Variants in PEX26 observed in about 807,000 individuals in gnomAD.
PEX26 encodes peroxisomal biogenesis factor 26, also known as peroxisome assembly protein 26.
A neutral mutation model predicts 31.4 loss-of-function variants in PEX26; 18 were observed. The ratio of observed to expected loss-of-function variants is 0.57; its 90% CI spans 0.40 to 0.85. The LOEUF (loss-of-function observed/expected upper bound fraction) is 0.85, where lower values mean the gene tolerates loss of function less well. PEX26 is among the 40% of genes least tolerant of loss of function. The probability of loss-of-function intolerance (pLI) is 0.00; values close to 1 mark genes in which losing one functional copy is unlikely to be tolerated. For synonymous variants in PEX26, 176 were observed against 166.9 expected (o/e 1.05, Z -0.42); for missense variants, 377 against 383.9 (o/e 0.98, Z 0.15).
chr22:18,078,317 G>C lies in PEX26; in HGVS notation c.-60G>C, dbSNP rs1156443420. 1 of 1,233,772 alleles carries C rather than the reference G, an allele frequency of 8.1e-7. No homozygotes were observed. The highest frequency in any genetic ancestry group is 1.9e-5 in the Admixed American group (1 of 53,518). The allele number at this position is 1,233,772 out of a possible 1,614,324, so 76.4% of individuals were successfully genotyped here. ...CCAGGCCAACTCGGGATATCCCGGA[G>C]CCTCTGGGGAGGCGGTCACTCCGAC... On this transcript the variant is annotated 5_prime_UTR_variant, in exon 1 of 5. Transcript: ENST00000399744.
intron 1 of PEX26, chr22:18,079,087 C>G: frequency 1.5e-5 from 5 of 337,500 alleles, no homozygotes; most frequent in Non-Finnish European, 1.7e-5. Flanking sequence ...GTAATCCCAG[C>G]ACTTTGGGAG....
chr22:18,101,764 C>A lies in PEX26; in HGVS notation c.*13689C>A. ...CTCATCCTGCATGTGGGCAAGTCAG[C>A]TCTCTGATGGATGGTGCAATTTCCT... On this transcript the variant is annotated 3_prime_UTR_variant, in exon 5 of 5. Coordinates refer to ENST00000399744, the MANE Select transcript of PEX26 (RefSeq NM_001127649.3). The A allele has an allele frequency of 4.4e-6, 1 of 225,468 alleles. No individual in the cohort carries two copies. The highest frequency in any genetic ancestry group is 8.5e-5 in the South Asian group (1 of 11,718). The allele number at this position is 225,468 out of a possible 1,614,324, so 14.0% of individuals were successfully genotyped here. A position where few individuals can be genotyped will look rare whatever the true frequency, so the allele number is the denominator to read the frequency against.
chr22:18,103,197 G>A lies in PEX26; in HGVS notation c.*15122G>A, dbSNP rs1927511057. On this transcript the variant is annotated 3_prime_UTR_variant, in exon 5 of 5. Coordinates refer to ENST00000399744, the MANE Select transcript of PEX26 (RefSeq NM_001127649.3). ...GCAGGGTGTGTATGTGGGATGAAGA[G>A]GTGGCTTGATGGACACAAACATAGA... 6.6e-6 allele frequency: 1 copy of A among 151,518 alleles called. No homozygotes were observed. Among genetic ancestry groups the A allele is most frequent in the Non-Finnish European group, 1.5e-5 (1 of 67,982 alleles). The allele number at this position is 151,518 out of a possible 1,614,324, so 9.4% of individuals were successfully genotyped here. A position where few individuals can be genotyped will look rare whatever the true frequency, so the allele number is the denominator to read the frequency against.
chr22:18,078,449 G>A lies in PEX26; in HGVS notation c.73G>A (p.Val25Met). The change falls in exon 1 of 5, where the codon GTG (valine) becomes ATG (methionine). Residue 25 changes from valine (V) to methionine (M), a missense_variant. Val to Met is a conservative substitution (Grantham distance 21). Coordinates refer to ENST00000399744, the MANE Select transcript of PEX26 (RefSeq NM_001127649.3). ...GGGACCCCTGCGCAGCAGCGAGCCG[G>A]TGCGCGCGGTCCCGGCCCGGGCGCC... The part of the protein sequence containing the change: ...LGGPLRSSEP[V>M]RAVPARAPAV... 1.9e-6 allele frequency: 3 copies of A among 1,578,938 alleles called. No homozygotes were observed. Among genetic ancestry groups the A allele is most frequent in the Non-Finnish European group, 2.6e-6 (3 of 1,165,442 alleles).
intron 2 of PEX26, chr22:18,081,523 G>T: frequency 6.5e-6 from 1 of 154,584 alleles, no homozygotes; most frequent in Non-Finnish European, 1.5e-5. Context: ...CACAGGACCT[G>T]GTAGGGCAGC....
Position 18,103,728 on chromosome 22 carries a change from A to G in PEX26, c.*15653A>G, listed in dbSNP as rs1319623473. The G allele has an allele frequency of 6.6e-6, 1 of 152,412 alleles. No homozygotes were observed. The highest frequency in any genetic ancestry group is 1.5e-5 in the Non-Finnish European group (1 of 68,194). The allele number at this position is 152,412 out of a possible 1,614,324, so 9.4% of individuals were successfully genotyped here. A position where few individuals can be genotyped will look rare whatever the true frequency, so the allele number is the denominator to read the frequency against. On this transcript the variant is annotated 3_prime_UTR_variant, in exon 5 of 5. Coordinates refer to ENST00000399744, the MANE Select transcript of PEX26 (RefSeq NM_001127649.3). ...CTGTCCCATACAGAGCCACAGCCAC[A>G]GTGAGAGCCTGGCAGCCTGCCCGGA...
At position 18,088,138 on chromosome 22, in the gene PEX26, GAGCGACAC is replaced by G. The variant is rs752734555; in HGVS notation, c.*65_*72del. 9.0e-7 allele frequency: 1 copy of G among 1,107,238 alleles called. No homozygotes were observed. The highest frequency in any genetic ancestry group is 1.4e-6 in the Non-Finnish European group (1 of 723,920). The allele number at this position is 1,107,238 out of a possible 1,614,324, so 68.6% of individuals were successfully genotyped here. On this transcript the variant is annotated 3_prime_UTR_variant, in exon 5 of 5. Transcript: ENST00000399744. The surrounding 1 kb of genome is among the most constrained non-coding windows in gnomAD (Gnocchi z 4.1). ...CCGTGGCCACAGAAGCAGAGCGACA[GAGCGACAC>G]ATCCACAGGCGCCCCTGGGGAAATG...
intron 1 of PEX26, chr22:18,078,871 G>A: frequency 1.5e-6 from 1 of 648,878 alleles, no homozygotes; most frequent in Admixed American, 2.1e-5. Flanking sequence ...AAGGCTGAAT[G>A]TGTATTAAGT....
chr22:18,087,890 G>A, intron 4 of PEX26, 82 bp from the exon 5 acceptor site: 1 of 892,742 alleles, frequency 1.1e-6, no homozygotes, highest in South Asian at 1.3e-5. Flanking sequence ...GTAATTGGTA[G>A]TGGAGTCTCC....
rs1167242787 is a variant in PEX26, at chr22:18,088,012, G to C, written c.855G>C (p.Gln285His). ...SSLHFLYKLA[Q>H]LFRWIRKAAF... is the part of the protein sequence containing the mutation. Reference sequence around the variant, plus strand: ...TGCACTTCCTCTACAAGCTGGCCCAGCTCTTCCGCTGGATCCGGAAGGCTG... The same window carrying C: ...TGCACTTCCTCTACAAGCTGGCCCACCTCTTCCGCTGGATCCGGAAGGCTG... The change falls in exon 5 of 5, where the codon CAG (glutamine) becomes CAC (histidine). Residue 285 changes from glutamine to histidine, a missense_variant. Coordinates refer to ENST00000399744, the MANE Select transcript of PEX26 (RefSeq NM_001127649.3). This position sits in a 1 kb window ranked among gnomAD's most constrained non-coding sequence, Gnocchi z 4.1. 2 of 1,613,794 alleles carry C rather than the reference G, an allele frequency of 1.2e-6. No individual in the cohort carries two copies. The highest frequency in any genetic ancestry group is 8.5e-7 in the Non-Finnish European group (1 of 1,179,970).
intron 4 of PEX26, among the ~76,000 whole-genome samples, chr22:18,087,596 C>T (rs1406394448): frequency 6.6e-6 from 1 of 152,200 alleles, no homozygotes; most frequent in Non-Finnish European, 1.5e-5. Flanking sequence ...CCTTTAGTCT[C>T]GTAAACCCTG....
intron 1 of PEX26, 137 bp from the exon 2 acceptor site, chr22:18,079,737 C>A (rs1926470749): frequency 1.0e-6 from 1 of 982,584 alleles, no homozygotes; most frequent in Non-Finnish European, 1.6e-6. Context: ...AATTGTGAAG[C>A]CCATCTAAAT....
At chr22:18,079,326 C>A in intron 1 of PEX26, 1 of 617,882 alleles carries the variant, frequency 1.6e-6, no homozygotes, top group Non-Finnish European at 2.0e-6. Flanking sequence ...GGTAGAATAG[C>A]TAAAGTTGAC....
chr22:18,079,794 G>A (rs1259147080), intron 1 of PEX26, 80 bp from the exon 2 acceptor site: 4 of 1,511,016 alleles, frequency 2.6e-6, no homozygotes, highest in Non-Finnish European at 3.7e-6. Context: ...GGGAGCTGGA[G>A]AGGAACAGTC....
In PEX26 at chr22:18,083,472, C is replaced by T; in HGVS notation, c.407C>T (p.Ala136Val). ...TACAGCAAAATGCAAGAGCCTGGAG[C>T]TGTGCTGGATGTGGTGGGTGCCTGG... ...LLYSKMQEPG[A>V]VLDVVGAWLQ... is the part of the protein sequence containing the mutation. The change falls in exon 3 of 5, where the codon GCT becomes GTT. Residue 136 changes from alanine to valine, a missense_variant. Ala to Val is a moderately conservative substitution (Grantham distance 64). Transcript: ENST00000399744. 1 of 1,614,156 alleles carries T rather than the reference C, an allele frequency of 6.2e-7. No homozygotes were observed. Among genetic ancestry groups the T allele is most frequent in the African/African-American group, 1.3e-5 (1 of 75,040 alleles).
rs970489300 is a variant in PEX26 at position 18,093,216 on chromosome 22, G to A, written c.*5141G>A. 1 of 152,016 alleles carries A rather than the reference G, an allele frequency of 6.6e-6. No homozygotes were observed. Among genetic ancestry groups the A allele is most frequent in the Non-Finnish European group, 1.5e-5 (1 of 67,986 alleles). 9.4% of individuals were successfully genotyped at this position (152,016 alleles called of 1,614,324 possible). A position where few individuals can be genotyped will look rare whatever the true frequency, so the allele number is the denominator to read the frequency against. ...AATGCATGTTGCATCTATAATTCAC[G>A]AACATGGTCAACAAGATCATGTTCA... On this transcript the variant is annotated 3_prime_UTR_variant, in exon 5 of 5. Transcript: ENST00000399744.
Position 18,095,416 on chromosome 22 carries a change from T to C in PEX26, c.*7341T>C, listed in dbSNP as rs1388208906. On this transcript the variant is annotated 3_prime_UTR_variant, in exon 5 of 5. Transcript: ENST00000399744. ...CTGGGTCTCAAAGAATGGGCTGCTT[T>C]CTCTGGAAAGCTGGGGAGCTGGTAA... 6.6e-6 allele frequency: 1 copy of C among 152,164 alleles called. No individual in the cohort carries two copies. Among genetic ancestry groups the C allele is most frequent in the African/African-American group, 2.4e-5 (1 of 41,442 alleles). 9.4% of individuals were successfully genotyped at this position (152,164 alleles called of 1,614,324 possible).
At position 18,079,880 on chromosome 22, in the gene PEX26, G is replaced by A. The variant is rs1282570979; in HGVS notation, c.237G>A (p.Leu79=). ...AVAEEPAGTS[L]EVKCSLCVVG... is the part of the protein sequence containing the mutation. ...TTGGTTTTTCTGCTGACAGCTCATT[G>A]GAGGTGAAGTGCTCCCTGTGTGTTG... Residue 79 remains leucine (L), a synonymous_variant, in exon 2 of 5, where the codon TTG becomes TTA. Transcript: ENST00000399744. 4 of 1,614,182 alleles carry A rather than the reference G, an allele frequency of 2.5e-6. No individual in the cohort carries two copies. In the East Asian group the frequency reaches 8.9e-5, roughly 36 times the overall value.
intron 2 of PEX26, chr22:18,081,465 A>G (rs1387653397): frequency 2.6e-5 from 4 of 153,522 alleles, no homozygotes; most frequent in Non-Finnish European, 5.8e-5. Context: ...CTGTACCTAG[A>G]AGAAGGTGTT....
Sources: gnomAD v4.1 joint callset for allele counts (sites outside exome capture counted in the v4.1 genomes callset) on GRCh38, gnomAD v4.1.1 for gene constraint, Gnocchi (gnomAD v3.1) non-coding constraint, MANE v1.5 for transcripts, NCBI Gene and HGNC (gene_info 2026-07-23, HGNC 2026-07-21) for gene names.